The following PER2 variants were observed in gnomAD, a reference collection of about 807,000 sequenced individuals.
PER2 encodes the protein period circadian regulator 2.
A neutral mutation model predicts 121.0 loss-of-function variants in PER2; 66 were observed. The ratio of observed to expected loss-of-function variants is 0.55; its 90% confidence interval spans 0.45 to 0.67. PER2 has a LOEUF of 0.67. Among genes scored for constraint, PER2 ranks in the 30% least tolerant of loss-of-function variants. The pLI, the probability that PER2 is intolerant of heterozygous loss-of-function variation, is 0.00. For missense variants in PER2, 1,521 were observed against 1,635.0 expected, an observed-to-expected ratio of 0.93 and a Z score of 1.20; for synonymous variants, 684 against 659.9, an observed-to-expected ratio of 1.04 and a Z score of -0.56.
At chr2:238,266,195 GC>G (rs1257723302) in intron 8 of PER2, among the ~76,000 whole-genome samples, 1 of 151,972 alleles carries the variant, frequency 6.6e-6, no homozygotes, top group Non-Finnish European at 1.5e-5. Context: ...GAGCCACTGC[GC>G]CCGGCCCCAT....
chr2:238,276,695 G>T (rs1024824118), intron 3 of PER2, among the ~76,000 whole-genome samples: 3 of 152,218 alleles, frequency 2.0e-5, no homozygotes, highest in African/African-American at 7.2e-5. Flanking sequence ...GGCCTGTGTG[G>T]AACAGAGGGT....
intron 6 of PER2, among the ~76,000 whole-genome samples, chr2:238,270,753 C>G (rs1357187440): frequency 6.6e-6 from 1 of 152,230 alleles, no homozygotes. Context: ...ACGGTGGCTA[C>G]AGGGGCAGGC....
Position 238,246,206 on chromosome 2 carries a change from C to T in PER2, c.*169G>A, listed in dbSNP as rs1695442227. ...CTTTCCGAACTCTCCCCACTCTCCA[C>T]AGTTTTAAGTCGCCCCTTCAGAAAA... On this transcript the variant is annotated 3_prime_UTR_variant, in exon 23 of 23. Coordinates refer to ENST00000254657, the MANE Select transcript of PER2 (RefSeq NM_022817.3). The T allele has an allele frequency of 6.7e-6, 3 of 445,790 alleles. No individual in the cohort carries two copies. The highest frequency in any genetic ancestry group is 3.4e-5 in the East Asian group (1 of 29,068). The allele number at this position is 445,790 out of a possible 1,614,324, so 27.6% of individuals were successfully genotyped here. A position where few individuals can be genotyped will look rare whatever the true frequency, so the allele number is the denominator to read the frequency against.
At position 238,253,568 on chromosome 2, in the gene PER2, C is replaced by T. The variant is rs199933426; in HGVS notation, c.2455G>A (p.Ala819Thr). The change falls in exon 19 of 23, where the codon GCC becomes ACC. Residue 819 changes from alanine (A) to threonine (T), a missense_variant. Physicochemically the swap from Ala to Thr is moderately conservative, Grantham distance 58. Transcript: ENST00000254657. This position sits in a 1 kb window ranked among gnomAD's most constrained non-coding sequence, Gnocchi z 5.6. ...TTCAAGCCCACCAGCGGGGGCCGGG[C>T]GGACACGGGCCCCCCAGATCCGGTG... is the stretch of plus-strand genomic sequence containing the variant. ...ESTGSGGPVS[A>T]RPPLVGLNAT... is the part of the protein sequence containing the mutation. 35 of 1,609,708 alleles carry T rather than the reference C, an allele frequency of 2.2e-5. 1 individual carries two copies. The highest frequency in any genetic ancestry group is 3.3e-4 in the Middle Eastern group (2 of 6,052).
chr2:238,275,798 C>G lies in PER2; in HGVS notation c.393G>C (p.Lys131Asn). ...ACTTCAAGGTGGCCAGCGTACTGGC[C>G]TTGCCCTTGGCCTTCTTGTCTGCAG... ...HLPADKKAKG[K>N]ASTLATLKYA... Residue 131 changes from lysine (K) to asparagine (N), a missense_variant, in exon 4 of 23, where the codon AAG (lysine) becomes AAC (asparagine). Physicochemically the swap from Lys to Asn is moderately conservative, Grantham distance 94. Coordinates refer to ENST00000254657, the MANE Select transcript of PER2 (RefSeq NM_022817.3). 1 of 1,614,232 alleles carries G rather than the reference C, an allele frequency of 6.2e-7. No homozygotes were observed. The highest frequency in any genetic ancestry group is 1.3e-5 in the African/African-American group (1 of 75,076).
chr2:238,248,967 T>A, intron 22 of PER2, 95 bp downstream of exon 22: 1 of 1,394,718 alleles, frequency 7.2e-7, no homozygotes, highest in Non-Finnish European at 1.0e-6. Flanking sequence ...ATTTTAGAAG[T>A]TTTAAATTGA....
At chr2:238,265,380 T>G in intron 9 of PER2, 132 bp downstream of exon 9, 1 of 670,912 alleles carries the variant, frequency 1.5e-6, no homozygotes, top group South Asian at 1.7e-5. Flanking sequence ...CCATAATTAT[T>G]TCATTGCCTG....
chr2:238,282,914 G>C (rs1331472055), intron 1 of PER2, among the ~76,000 whole-genome samples: 1 of 152,188 alleles, frequency 6.6e-6, no homozygotes, highest in African/African-American at 2.4e-5. Context: ...AACTGACTCA[G>C]GGTCCCTGGG....
chr2:238,266,051 G>GCC (rs1696087896), intron 8 of PER2, among the ~76,000 whole-genome samples: 1 of 151,998 alleles, frequency 6.6e-6, no homozygotes, highest in Non-Finnish European at 1.5e-5. Flanking sequence ...CTACAGGCGT[G>GCC]TGCCACCACG....
chr2:238,272,167 T>A (rs1696310626), intron 5 of PER2, among the ~76,000 whole-genome samples: 1 of 152,184 alleles, frequency 6.6e-6, no homozygotes, highest in South Asian at 2.1e-4. Flanking sequence ...AGGTCCAGCA[T>A]GATATTATTT....
chr2:238,278,954 A>G (rs1310816843), intron 1 of PER2, among the ~76,000 whole-genome samples: 3 of 152,160 alleles, frequency 2.0e-5, no homozygotes, highest in Non-Finnish European at 4.4e-5. Flanking sequence ...GCTGGTCAGA[A>G]ACTTAACCTC....
upstream of PER2, among the ~76,000 whole-genome samples, chr2:238,293,064 A>C: frequency 6.6e-6 from 1 of 150,402 alleles, no homozygotes; most frequent in African/African-American, 2.5e-5. Context: ...TTCATCATAC[A>C]TAGGTGCAGT....
In PER2 at chr2:238,288,481, CG is replaced by C. The variant is rs1207593329; in HGVS notation, c.-153del. The C allele has an allele frequency of 6.6e-6, 1 of 152,214 alleles. No individual in the cohort carries two copies. The highest frequency in any genetic ancestry group is 2.4e-5 in the African/African-American group (1 of 41,468). 9.4% of individuals were successfully genotyped at this position (152,214 alleles called of 1,614,324 possible). A position where few individuals can be genotyped will look rare whatever the true frequency, so the allele number is the denominator to read the frequency against. ...CACCTGGGACAGGGCCAAGGGCACA[CG>C]CCCCCACGCCGGCGCCGTTTCAAGC... On this transcript the variant is annotated 5_prime_UTR_variant, in exon 1 of 23. Coordinates refer to ENST00000254657, the MANE Select transcript of PER2 (RefSeq NM_022817.3).
intron 20 of PER2, among the ~76,000 whole-genome samples, chr2:238,251,320 C>G (rs1695589950): frequency 6.6e-6 from 1 of 152,242 alleles, no homozygotes; most frequent in South Asian, 2.1e-4. Flanking sequence ...AAACCACTAT[C>G]TGGGGAGTCA....
chr2:238,253,110 C>T lies in PER2; in HGVS notation c.2913G>A (p.Ser971=), dbSNP rs764241563. Residue 971 remains serine (S), a synonymous_variant, in exon 19 of 23, where the codon TCG becomes TCA. Coordinates refer to ENST00000254657, the MANE Select transcript of PER2 (RefSeq NM_022817.3). This position sits in a 1 kb window ranked among gnomAD's most constrained non-coding sequence, Gnocchi z 5.6. ...GCGGTGGGGAGGCCCTACCCATGGCCGATGGTGGGGTGGCCCGGGTGGCTG... is the reference window on the plus strand; with the variant it reads ...GCGGTGGGGAGGCCCTACCCATGGCTGATGGTGGGGTGGCCCGGGTGGCTG... ...ACPATRATPP[S]AMGRASPPLF... is the part of the protein sequence containing the mutation. The T allele has an allele frequency of 9.3e-6, 15 of 1,604,574 alleles. No homozygotes were observed. The highest frequency in any genetic ancestry group is 2.2e-5 in the East Asian group (1 of 44,634).
chr2:238,246,849 C>A (rs1424466796), intron 22 of PER2, among the ~76,000 whole-genome samples: 4 of 152,178 alleles, frequency 2.6e-5, no homozygotes, highest in African/African-American at 7.2e-5. Context: ...GTGCTCCAGC[C>A]TGGGCGACAG....
intron 1 of PER2, among the ~76,000 whole-genome samples, chr2:238,283,628 G>A (rs1451215373): frequency 6.6e-6 from 1 of 152,222 alleles, no homozygotes; most frequent in African/African-American, 2.4e-5. Context: ...CCTTGCGGGG[G>A]CAGTCAGAAC....
intron 4 of PER2, among the ~76,000 whole-genome samples, chr2:238,274,733 C>T (rs897835211): frequency 6.6e-6 from 1 of 152,208 alleles, no homozygotes; most frequent in Non-Finnish European, 1.5e-5. Flanking sequence ...ATCCCAGGGG[C>T]ACCGGATTTC....
At chr2:238,264,484 G>C (rs1696035869) in intron 9 of PER2, among the ~76,000 whole-genome samples, 1 of 152,220 alleles carries the variant, frequency 6.6e-6, no homozygotes, top group Non-Finnish European at 1.5e-5. Context: ...AAGAGTAGAG[G>C]AGGGAGAGGT....
Sources: allele counts gnomAD v4.1 joint callset (sites outside exome capture counted in the v4.1 genomes callset), GRCh38; gene constraint gnomAD v4.1.1; non-coding constraint Gnocchi (gnomAD v3.1); transcripts MANE v1.5; gene names NCBI Gene and HGNC (gene_info 2026-07-23, HGNC 2026-07-21).